ZSCAN16: variants seen among roughly 807,000 people sequenced by gnomAD.
ZSCAN16 encodes zinc finger and SCAN domain containing 16, also known as zinc finger and SCAN domain-containing protein 16.
In ZSCAN16, 15 loss-of-function variants were observed where a neutral mutation model predicts 19.4. The ratio of observed to expected loss-of-function variants is 0.77; its 90% CI spans 0.52 to 1.19. The LOEUF is 1.19. ZSCAN16 is among the 50% of genes most tolerant of loss of function. The pLI is 0.00. For missense variants in ZSCAN16, 327 were observed against 415.7 expected, an observed-to-expected ratio of 0.79 and a Z score of 1.86; for synonymous variants, 138 against 146.5, an observed-to-expected ratio of 0.94 and a Z score of 0.42.
intron 3 of ZSCAN16, among the ~76,000 whole-genome samples, chr6:28,128,754 G>C (rs1187554370): frequency 1.3e-5 from 2 of 152,142 alleles, no homozygotes; most frequent in Non-Finnish European, 2.9e-5. Flanking sequence ...ATTTAGACAG[G>C]AGGTGATGAC....
chr6:28,130,034 C>T lies in ZSCAN16; in HGVS notation c.*84C>T. The T allele has an allele frequency of 1.8e-6, 2 of 1,119,224 alleles. No homozygotes were observed. Among genetic ancestry groups the T allele is most frequent in the East Asian group, 5.0e-5 (2 of 40,168 alleles). 69.3% of individuals were successfully genotyped at this position (1,119,224 alleles called of 1,614,324 possible). Reference sequence around the variant, plus strand: ...CTATTTTAGAAACCTTGAGTTTCCTCAATGTGGTCAAAGCTTCAGTCATCA... The same window carrying T: ...CTATTTTAGAAACCTTGAGTTTCCTTAATGTGGTCAAAGCTTCAGTCATCA... On this transcript the variant is annotated 3_prime_UTR_variant, in exon 4 of 4. Transcript: ENST00000340487.
In ZSCAN16 at chr6:28,129,585, T is replaced by A. The variant is rs568217342; in HGVS notation, c.682T>A (p.Trp228Arg). Residue 228 changes from tryptophan to arginine, a missense_variant, in exon 4 of 4, where the codon TGG becomes AGG. Physicochemically the swap from Trp to Arg is moderately radical, Grantham distance 101. Transcript: ENST00000340487. ...DIIENEGRSE[W>R]QQRERRRYKC... ...TATTGAAAATGAGGGCAGATCAGAA[T>A]GGCAACAGAGGGAAAGAAGACGATA... 64 of 1,614,058 alleles carry A rather than the reference T, an allele frequency of 4.0e-5. 1 individual carries two copies. Among genetic ancestry groups the A allele is most frequent in the Non-Finnish European group, 5.2e-5 (61 of 1,180,030 alleles).
intron 1 of ZSCAN16, among the ~76,000 whole-genome samples, chr6:28,124,910 C>G (rs944704980): frequency 6.6e-6 from 1 of 152,246 alleles, no homozygotes; most frequent in Non-Finnish European, 1.5e-5. Context: ...TGATCCCCTT[C>G]CAGGGTTGGC....
intron 3 of ZSCAN16, among the ~76,000 whole-genome samples, chr6:28,127,655 C>T (rs1016774756): frequency 6.6e-6 from 1 of 152,208 alleles, no homozygotes; most frequent in African/African-American, 2.4e-5. Flanking sequence ...AGACAATGAT[C>T]AGTCAATACA....
At chr6:28,129,043 A>G (rs1464196397) in intron 3 of ZSCAN16, among the ~76,000 whole-genome samples, 3 of 151,938 alleles carry the variant, frequency 2.0e-5, no homozygotes, top group Non-Finnish European at 4.4e-5. Context: ...GTTTCTCCCA[A>G]ACTTTTACCT....
rs1764866098 is a variant in ZSCAN16, at chr6:28,125,352, T to G, written c.-31-61T>G. The G allele has an allele frequency of 2.7e-6, 4 of 1,507,242 alleles. No individual in the cohort carries two copies. The African/African-American group carries it at 4.2e-5, about 16-fold the overall frequency. 93.4% of individuals were successfully genotyped at this position (1,507,242 alleles called of 1,614,324 possible). A position where few individuals can be genotyped will look rare whatever the true frequency, so the allele number is the denominator to read the frequency against. ...GTAATTTCTCTATGGTAACAACTTT[T>G]TATGCCTTAGGAGTGTCTCTGAGGC... On this transcript the variant is annotated intron_variant, in intron 1 of 3. Coordinates refer to ENST00000340487, the MANE Select transcript of ZSCAN16 (RefSeq NM_025231.3). This position sits in a 1 kb window ranked among gnomAD's most constrained non-coding sequence, Gnocchi z 6.2.
Position 28,129,373 on chromosome 6 carries a change from C to T in ZSCAN16, c.527-57C>T, listed in dbSNP as rs16893692. ...ATTTACATGTTCTTTCTTCCATAGG[C>T]TGTTTGCTTCTCAAACATAGAATAG... On this transcript the variant is annotated intron_variant, in intron 3 of 3. Transcript: ENST00000340487. 9.1e-4 allele frequency: 1,381 copies of T among 1,524,912 alleles called. 18 individuals are homozygous for T. In the African/African-American group the frequency reaches 0.016, roughly 18 times the overall value. 94.5% of individuals were successfully genotyped at this position (1,524,912 alleles called of 1,614,324 possible).
intron 3 of ZSCAN16, among the ~76,000 whole-genome samples, chr6:28,128,884 C>T (rs1334903853): frequency 6.6e-6 from 1 of 152,104 alleles, no homozygotes; most frequent in African/African-American, 2.4e-5. Context: ...GTCATGCTTC[C>T]TGCTTCCAGC....
At chr6:28,126,950 G>T in intron 3 of ZSCAN16, 29 bp downstream of exon 3, 3 of 1,461,606 alleles carry the variant, frequency 2.1e-6, no homozygotes, top group East Asian at 2.5e-5. Flanking sequence ...GAGTGTATGA[G>T]GGTAGAGGTA....
In ZSCAN16 at chr6:28,129,707, G is replaced by A. The variant is rs1765003941; in HGVS notation, c.804G>A (p.Glu268=). Residue 268 remains glutamate, a synonymous_variant, in exon 4 of 4, where the codon GAG becomes GAA. Transcript: ENST00000340487. ...HTGEKPYKCD[E]CGKAFIQRSH... is the part of the protein sequence containing the mutation. The stretch of plus-strand genomic sequence containing the variant: ...GAGAGAAGCCCTATAAATGTGATGA[G>A]TGTGGAAAAGCCTTCATTCAGCGCT... The A allele has an allele frequency of 1.2e-6, 2 of 1,614,004 alleles. No homozygotes were observed. The highest frequency in any genetic ancestry group is 1.7e-5 in the Admixed American group (1 of 59,990).
At position 28,126,825 on chromosome 6, in the gene ZSCAN16, T is replaced by G. The variant is rs748036844; in HGVS notation, c.430T>G (p.Leu144Val). The change falls in exon 3 of 4, where the codon TTG (leucine) becomes GTG (valine). Residue 144 changes from leucine to valine, a missense_variant. By Grantham distance (32) the Leu-to-Val change is conservative. Coordinates refer to ENST00000340487, the MANE Select transcript of ZSCAN16 (RefSeq NM_025231.3). ...SERRDILMDK[L>V]APLGRPYESL... ...AAGACGGGACATACTCATGGACAAGTTGGCCCCCTTGGGAAGGCCATATGA... is the reference window on the plus strand; with the variant it reads ...AAGACGGGACATACTCATGGACAAGGTGGCCCCCTTGGGAAGGCCATATGA... The G allele has an allele frequency of 6.3e-7, 1 of 1,584,992 alleles. No individual in the cohort carries two copies. Among genetic ancestry groups the G allele is most frequent in the South Asian group, 1.1e-5 (1 of 87,356 alleles).
rs1203278111 is a variant in ZSCAN16, at chr6:28,125,177, A to G, written c.-31-236A>G. Among the ~76,000 whole-genome samples, 1 of 152,104 alleles carries G rather than the reference A, an allele frequency of 6.6e-6. No homozygotes were observed. The highest frequency in any genetic ancestry group is 2.4e-5 in the African/African-American group (1 of 41,390). ...TAAATAACTTCCTCTAAGTTACACA[A>G]TAGAGCACAGATTCAAATCATATCC... is the stretch of plus-strand genomic sequence containing the variant. On this transcript the variant is annotated intron_variant, in intron 1 of 3. Transcript: ENST00000340487. The surrounding 1 kb of genome is among the most constrained non-coding windows in gnomAD (Gnocchi z 6.2).
intron 3 of ZSCAN16, 82 bp downstream of exon 3, chr6:28,127,003 C>A (rs1162093300): frequency 9.6e-6 from 12 of 1,247,866 alleles, no homozygotes; most frequent in Non-Finnish European, 1.0e-5. Context: ...TCATCTTCTC[C>A]TTTTAAAGAT....
chr6:28,129,398 G>C (rs767712705), intron 3 of ZSCAN16, 32 bp from the exon 4 acceptor site: 5 of 1,555,584 alleles, frequency 3.2e-6, no homozygotes, highest in Admixed American at 2.0e-5. Context: ...ACATAGAATA[G>C]GACCCGTTTG....
Position 28,125,923 on chromosome 6 carries a change from TC to T in ZSCAN16, c.387+95del. Reference sequence around the variant, plus strand: ...ATGAAAGAACATCTGAAAATATTTATCCTCTAAAGAACAAGGCATAGGAAGG... The same window carrying T: ...ATGAAAGAACATCTGAAAATATTTATCTCTAAAGAACAAGGCATAGGAAGG... On this transcript the variant is annotated intron_variant, in intron 2 of 3. Transcript: ENST00000340487. The surrounding 1 kb of genome is among the most constrained non-coding windows in gnomAD (Gnocchi z 6.2). 3 of 1,008,014 alleles carry T rather than the reference TC, an allele frequency of 3.0e-6. No individual in the cohort carries two copies. The highest frequency in any genetic ancestry group is 4.3e-6 in the Non-Finnish European group (3 of 697,978). 62.4% of individuals were successfully genotyped at this position (1,008,014 alleles called of 1,614,324 possible).
At position 28,129,699 on chromosome 6, in the gene ZSCAN16, T is replaced by G. The variant is rs143274731; in HGVS notation, c.796T>G (p.Cys266Gly). 2 of 1,614,026 alleles carry G rather than the reference T, an allele frequency of 1.2e-6. No individual in the cohort carries two copies. The highest frequency in any genetic ancestry group is 2.7e-5 in the African/African-American group (2 of 74,920). ...RTHTGEKPYK[C>G]DECGKAFIQR... ...TCACACGGGAGAGAAGCCCTATAAA[T>G]GTGATGAGTGTGGAAAAGCCTTCAT... is the stretch of plus-strand genomic sequence containing the variant. The change falls in exon 4 of 4, where the codon TGT (cysteine) becomes GGT (glycine). Residue 266 changes from cysteine to glycine, a missense_variant. Physicochemically the swap from Cys to Gly is radical, Grantham distance 159 (BLOSUM62 -3). Coordinates refer to ENST00000340487, the MANE Select transcript of ZSCAN16 (RefSeq NM_025231.3).
chr6:28,126,574 A>G (rs967314272), intron 2 of ZSCAN16, among the ~76,000 whole-genome samples: 11 of 152,208 alleles, frequency 7.2e-5, no homozygotes, highest in Admixed American at 6.5e-4. Context: ...CTGCAGATCA[A>G]TGAAAGAAGA....
At chr6:28,124,912 A>C (rs1382952790) in intron 1 of ZSCAN16, among the ~76,000 whole-genome samples, 1 of 152,226 alleles carries the variant, frequency 6.6e-6, no homozygotes, top group African/African-American at 2.4e-5. Flanking sequence ...ATCCCCTTCC[A>C]GGGTTGGCAC....
rs1371584265 is a variant in ZSCAN16, at chr6:28,126,778, C to T, written c.388-5C>T. 7.0e-7 allele frequency: 1 copy of T among 1,432,624 alleles called. No homozygotes were observed. The highest frequency in any genetic ancestry group is 9.3e-7 in the Non-Finnish European group (1 of 1,077,950). The allele number at this position is 1,432,624 out of a possible 1,614,324, so 88.7% of individuals were successfully genotyped here. A position where few individuals can be genotyped will look rare whatever the true frequency, so the allele number is the denominator to read the frequency against. On this transcript the variant is annotated splice_region_variant and splice_polypyrimidine_tract_variant and intron_variant, in intron 2 of 3. Coordinates refer to ENST00000340487, the MANE Select transcript of ZSCAN16 (RefSeq NM_025231.3). ...AATTCACCTTACACACCTCATTTTC[C>T]CTAGGTCCCAGGCAATTCAGAAAGA...
Sources: gnomAD v4.1 joint callset for allele counts (sites outside exome capture counted in the v4.1 genomes callset) on GRCh38, gnomAD v4.1.1 for gene constraint, Gnocchi (gnomAD v3.1) non-coding constraint, MANE v1.5 for transcripts, NCBI Gene and HGNC (gene_info 2026-07-23, HGNC 2026-07-21) for gene names.